The following DNAJC6 variants were observed in gnomAD, a reference collection of about 807,000 sequenced individuals.
DNAJC6 encodes auxilin.
Under a neutral mutation model 110.0 loss-of-function variants are expected in DNAJC6, and 34 were observed. The ratio of observed to expected loss-of-function variants is 0.31; its 90% CI spans 0.24 to 0.41. The LOEUF is 0.41. Ranked by LOEUF, DNAJC6 falls within the 10% of genes least tolerant of loss-of-function variation. The pLI, the probability that DNAJC6 is intolerant of heterozygous loss-of-function variation, is 1.00. For missense variants in DNAJC6, 1,031 were observed against 1,207.8 expected, an observed-to-expected ratio of 0.85 and a Z score of 2.17; for synonymous variants, 406 against 437.2, an observed-to-expected ratio of 0.93 and a Z score of 0.89.
intron 13 of DNAJC6, 94 bp from the exon 14 acceptor site, chr1:65,398,719 G>T (rs1004530570): frequency 6.3e-5 from 82 of 1,293,948 alleles, no homozygotes; most frequent in Non-Finnish European, 8.3e-5. Flanking sequence ...GGCCATGCAG[G>T]CTTCAGGGAT....
rs1645630002 is a variant in DNAJC6 at position 65,364,766 on chromosome 1, G to A, written c.325G>A (p.Val109Met). The A allele has an allele frequency of 1.2e-6, 2 of 1,613,080 alleles. No individual in the cohort carries two copies. The highest frequency in any genetic ancestry group is 4.5e-5 in the East Asian group (2 of 44,854). ...CACCCTCAAAGACACATCTTCTAGA[G>A]TGATACAATCTGTGACCAGGTACGC... ...KDTLKDTSSR[V>M]IQSVTSYTKG... Residue 109 changes from valine to methionine, a missense_variant, in exon 2 of 19, where the codon GTG (valine) becomes ATG (methionine). Coordinates refer to ENST00000371069, the MANE Select transcript of DNAJC6 (RefSeq NM_001256864.2).
At chr1:65,286,039 G>C (rs981196053) in intron 1 of DNAJC6, among the ~76,000 whole-genome samples, 6 of 152,142 alleles carry the variant, frequency 3.9e-5, no homozygotes, top group Non-Finnish European at 8.8e-5. Flanking sequence ...AAGTTGATGT[G>C]CAGGATATAT....
Position 65,411,391 on chromosome 1 carries a change from T to C in DNAJC6, c.2776T>C (p.Tyr926His). 3 of 1,614,110 alleles carry C rather than the reference T, an allele frequency of 1.9e-6. No homozygotes were observed. The highest frequency in any genetic ancestry group is 2.5e-6 in the Non-Finnish European group (3 of 1,180,002). ...AACACCAGAGCAGGTGAAGAAGGTG[T>C]ACAGGAAGGCTGTCCTGGTGGTGCA... ...LVTPEQVKKVYRKAVLVVHPD... is the reference protein window; with the variant it reads ...LVTPEQVKKVHRKAVLVVHPD... The change falls in exon 18 of 19, where the codon TAC becomes CAC. Residue 926 changes from tyrosine (Y) to histidine (H), a missense_variant. Transcript: ENST00000371069.
intron 1 of DNAJC6, among the ~76,000 whole-genome samples, chr1:65,315,534 C>A (rs1645141479): frequency 6.6e-6 from 1 of 151,898 alleles, no homozygotes; most frequent in East Asian, 1.9e-4. Context: ...TATGTGTATA[C>A]CATTAGAATT....
chr1:65,402,012 C>A, intron 15 of DNAJC6, 132 bp downstream of exon 15: 1 of 1,240,972 alleles, frequency 8.1e-7, no homozygotes, highest in Non-Finnish European at 1.1e-6. Context: ...CTTAAGCTAT[C>A]CTCTGAAACC....
intron 4 of DNAJC6, among the ~76,000 whole-genome samples, chr1:65,374,646 C>T (rs1380458828): frequency 6.6e-6 from 1 of 152,162 alleles, no homozygotes; most frequent in Non-Finnish European, 1.5e-5. Flanking sequence ...TGCAACTTTA[C>T]TGAATTCGTT....
intron 1 of DNAJC6, among the ~76,000 whole-genome samples, chr1:65,316,936 T>C (rs987964989): frequency 6.6e-6 from 1 of 152,020 alleles, no homozygotes; most frequent in Non-Finnish European, 1.5e-5. Flanking sequence ...TTTTTTTTTT[T>C]TAGCCAAAAA....
intron 4 of DNAJC6, among the ~76,000 whole-genome samples, chr1:65,369,772 C>T (rs1444733396): frequency 6.6e-6 from 1 of 152,160 alleles, no homozygotes; most frequent in Non-Finnish European, 1.5e-5. Context: ...TTTTACTTTG[C>T]TGAGGGTTGT....
intron 1 of DNAJC6, chr1:65,299,113 T>G (rs1557505674): frequency 6.6e-6 from 1 of 152,146 alleles, no homozygotes; most frequent in Non-Finnish European, 1.5e-5. Flanking sequence ...TCCCTACTTT[T>G]GAATATGTTT....
rs1428381539 is a variant in DNAJC6 at position 65,366,171 on chromosome 1, A to G, written c.518A>G (p.Tyr173Cys). Residue 173 changes from tyrosine to cysteine, a missense_variant, in exon 4 of 19, where the codon TAT (tyrosine) becomes TGT (cysteine). Tyr to Cys is a radical substitution (Grantham distance 194). Coordinates refer to ENST00000371069, the MANE Select transcript of DNAJC6 (RefSeq NM_001256864.2). ...GTATACAATCTGTCACCTAAGTCTT[A>G]TCGAACTGCCAAGTTTCACAGCCGG... The part of the protein sequence containing the change: ...YTVYNLSPKS[Y>C]RTAKFHSRVS... The G allele has an allele frequency of 3.7e-6, 6 of 1,613,432 alleles. No individual in the cohort carries two copies. The African/African-American group carries it at 8.0e-5, about 22-fold the overall frequency.
At chr1:65,312,961 G>A (rs1326111491) in intron 1 of DNAJC6, among the ~76,000 whole-genome samples, 2 of 152,056 alleles carry the variant, frequency 1.3e-5, no homozygotes, top group African/African-American at 4.8e-5. Context: ...CACCACACCC[G>A]GCTAATTTTT....
intron 1 of DNAJC6, among the ~76,000 whole-genome samples, chr1:65,338,033 C>G (rs1005464843): frequency 6.6e-6 from 1 of 152,126 alleles, no homozygotes; most frequent in East Asian, 1.9e-4. Flanking sequence ...CTGCCCCAAT[C>G]TTAGAATCAG....
intron 1 of DNAJC6, among the ~76,000 whole-genome samples, chr1:65,342,802 A>G (rs1645401459): frequency 6.6e-6 from 1 of 152,208 alleles, no homozygotes; most frequent in Non-Finnish European, 1.5e-5. Context: ...TTTAAAAGTG[A>G]ATAGAAACGG....
intron 4 of DNAJC6, 108 bp from the exon 5 acceptor site, chr1:65,379,294 T>C: frequency 2.9e-6 from 4 of 1,369,324 alleles, no homozygotes; most frequent in Non-Finnish European, 4.0e-6. Context: ...CTATCTATAT[T>C]AAGAGAGGAT....
intron 1 of DNAJC6, among the ~76,000 whole-genome samples, chr1:65,346,260 G>A (rs913634102): frequency 1.3e-5 from 2 of 152,190 alleles, no homozygotes; most frequent in African/African-American, 4.8e-5. Flanking sequence ...TTCTTCGGCT[G>A]GCTTGGGATG....
intron 1 of DNAJC6, among the ~76,000 whole-genome samples, chr1:65,357,924 A>C (rs980084172): frequency 1.3e-5 from 2 of 152,226 alleles, no homozygotes; most frequent in African/African-American, 4.8e-5. Context: ...CATGCCTGTA[A>C]TCCCAGCACA....
chr1:65,405,728 T>G, intron 15 of DNAJC6, 142 bp from the exon 16 acceptor site: 1 of 963,748 alleles, frequency 1.0e-6, no homozygotes, highest in Non-Finnish European at 1.5e-6. Context: ...ATGCCTGCAA[T>G]TGCTTTATCT....
At position 65,398,880 on chromosome 1, in the gene DNAJC6, AG is replaced by A; in HGVS notation, c.2107+1del. The A allele has an allele frequency of 6.2e-7, 1 of 1,613,984 alleles. No homozygotes were observed. Among genetic ancestry groups the A allele is most frequent in the Non-Finnish European group, 8.5e-7 (1 of 1,179,904 alleles). On this transcript the variant is annotated frameshift_variant and splice_region_variant, in exon 14 of 19. Transcript: ENST00000371069. LOFTEE classifies it high-confidence loss of function. ...GAGGTTGGGACTGGCATGCTAAACC[AG>A]GTAAAAGCAGGTTATTTTCTGTACA... ...SGGWDWHAKP[G>X]GFGMGSKSAA...
chr1:65,299,777 C>A (rs772089699), intron 1 of DNAJC6, among the ~76,000 whole-genome samples: 1 of 152,032 alleles, frequency 6.6e-6, no homozygotes, highest in Non-Finnish European at 1.5e-5. Context: ...TGTCCAGGCA[C>A]GGTGGCTCAT....
Sources: gnomAD v4.1 joint callset for allele counts (sites outside exome capture counted in the v4.1 genomes callset) on GRCh38, gnomAD v4.1.1 for gene constraint, MANE v1.5 for transcripts, NCBI Gene and HGNC (gene_info 2026-07-23, HGNC 2026-07-21) for gene names.